The following TRIM62 variants were observed in gnomAD, a reference collection of about 807,000 sequenced individuals.
TRIM62 encodes the protein E3 ubiquitin-protein ligase TRIM62.
A neutral mutation model predicts 44.2 loss-of-function variants in TRIM62; 39 were observed. That is an observed-to-expected ratio of 0.88 (90% CI 0.68 to 1.15). The LOEUF is 1.15. Ranked by LOEUF, TRIM62 falls within the 50% of genes most tolerant of loss-of-function variation. The pLI is 0.00. For missense variants in TRIM62, 544 were observed against 665.5 expected, an observed-to-expected ratio of 0.82 and a Z score of 2.01; for synonymous variants, 278 against 292.3, an observed-to-expected ratio of 0.95 and a Z score of 0.50.
At chr1:33,171,058 T>G (rs1188935484) in intron 1 of TRIM62, among the ~76,000 whole-genome samples, 2 of 152,142 alleles carry the variant, frequency 1.3e-5, no homozygotes, top group Non-Finnish European at 2.9e-5. Flanking sequence ...AGGAAGAGGC[T>G]GCAGGGACCA....
intron 4 of TRIM62, among the ~76,000 whole-genome samples, chr1:33,156,937 C>T: frequency 6.6e-6 from 1 of 151,086 alleles, no homozygotes. Context: ...CCTTCCCACC[C>T]CCTCCACTAC....
intron 4 of TRIM62, among the ~76,000 whole-genome samples, chr1:33,153,929 G>GA (rs922472739): frequency 2.6e-5 from 4 of 152,202 alleles, no homozygotes; most frequent in Non-Finnish European, 5.9e-5. Context: ...TAGTGAGTGA[G>GA]ACAGCCACAC....
intron 2 of TRIM62, 95 bp from the exon 3 acceptor site, chr1:33,160,039 G>A (rs947209007): frequency 2.1e-6 from 3 of 1,462,292 alleles, no homozygotes; most frequent in Middle Eastern, 1.8e-4. Flanking sequence ...CACACAGAGA[G>A]GAAAGGGTGG....
chr1:33,155,569 G>A lies in TRIM62; in HGVS notation c.877+2684C>T, dbSNP rs60504615. Among the ~76,000 whole-genome samples the A allele has an allele frequency of 6.0e-3, 914 of 152,254 alleles. 16 individuals carry two copies. The highest frequency in any genetic ancestry group is 0.021 in the African/African-American group (864 of 41,534). On this transcript the variant is annotated intron_variant, in intron 4 of 4. Coordinates refer to ENST00000291416, the MANE Select transcript of TRIM62 (RefSeq NM_018207.3). ...CCAGTGAGCTTAGTAGGTAAGGAAG[G>A]GCACAGGCTCTGGGGCCCGACGTTG...
chr1:33,173,868 T>A lies in TRIM62; in HGVS notation c.408+7157A>T, dbSNP rs868521608. Among the ~76,000 whole-genome samples the A allele has an allele frequency of 3.3e-4, 50 of 152,098 alleles. No individual in the cohort carries two copies. The Middle Eastern group carries it at 0.024, about 72-fold the overall frequency. On this transcript the variant is annotated intron_variant, in intron 1 of 4. Transcript: ENST00000291416. ...GCATGCATCATGCCTGGATAATTTT[T>A]AAAAATTTATTGTAGAGATGGGGTC...
Position 33,146,908 on chromosome 1 carries a change from C to G in TRIM62, c.*269G>C. 2.1e-6 allele frequency: 1 copy of G among 486,922 alleles called. No individual in the cohort carries two copies. The highest frequency in any genetic ancestry group is 3.7e-6 in the Non-Finnish European group (1 of 270,204). The allele number at this position is 486,922 out of a possible 1,614,324, so 30.2% of individuals were successfully genotyped here. ...TGAGAAGATGGGGATGAGGGTTGGGCAGGGGTTGCCCTGAGGAGAAGCCAT... is the reference window on the plus strand; with the variant it reads ...TGAGAAGATGGGGATGAGGGTTGGGGAGGGGTTGCCCTGAGGAGAAGCCAT... On this transcript the variant is annotated 3_prime_UTR_variant, in exon 5 of 5. Transcript: ENST00000291416.
chr1:33,166,071 C>T (rs950993701), intron 1 of TRIM62: 6 of 152,428 alleles, frequency 3.9e-5, no homozygotes, highest in African/African-American at 1.4e-4. Context: ...GCATTAGATT[C>T]TCACAGGAGT....
intron 2 of TRIM62, chr1:33,164,575 G>A (rs1466259597): frequency 6.6e-6 from 1 of 152,372 alleles, no homozygotes; most frequent in Non-Finnish European, 1.5e-5. Flanking sequence ...TCTCAAGTCA[G>A]TGGAAAAGTC....
chr1:33,181,024 C>G lies in TRIM62; in HGVS notation c.408+1G>C. On this transcript the variant is annotated splice_donor_variant, in intron 1 of 4. Coordinates refer to ENST00000291416, the MANE Select transcript of TRIM62 (RefSeq NM_018207.3). LOFTEE classifies it high-confidence loss of function. This position sits in a 1 kb window ranked among gnomAD's most constrained non-coding sequence, Gnocchi z 6.5. ...TTCCCCAGGCAGGCCGGGTAGCGCA[C>G]CTGCAGCTCGTCGAAGGCGTCGTCG... The G allele has an allele frequency of 6.3e-7, 1 of 1,585,210 alleles. No homozygotes were observed. The highest frequency in any genetic ancestry group is 8.5e-7 in the Non-Finnish European group (1 of 1,173,554).
At position 33,145,823 on chromosome 1, in the gene TRIM62, G is replaced by A. The variant is rs1301233577; in HGVS notation, c.*1354C>T. On this transcript the variant is annotated 3_prime_UTR_variant, in exon 5 of 5. Transcript: ENST00000291416. ...CGATTGGATGCTGTGGCAGAAAAAC[G>A]CAGGTGGGGCTTGCTCCACCCACCC... 2.3e-5 allele frequency: 11 copies of A among 469,282 alleles called. No homozygotes were observed. Among genetic ancestry groups the A allele is most frequent in the South Asian group, 1.7e-4 (11 of 64,346 alleles). The allele number at this position is 469,282 out of a possible 1,614,324, so 29.1% of individuals were successfully genotyped here.
In TRIM62 at chr1:33,161,477, G is replaced by C. The variant is rs916565681; in HGVS notation, c.505-1533C>G. Among the ~76,000 whole-genome samples the C allele has an allele frequency of 7.2e-5, 11 of 152,078 alleles. No individual in the cohort carries two copies. The highest frequency in any genetic ancestry group is 1.3e-4 in the Non-Finnish European group (9 of 68,004). ...AGGGCTCTGTGGGAGGCTCTACAAA[G>C]GCTCAATTAGGGCCTGTTCCCTCCC... On this transcript the variant is annotated intron_variant, in intron 2 of 4. Coordinates refer to ENST00000291416, the MANE Select transcript of TRIM62 (RefSeq NM_018207.3). The surrounding 1 kb of genome is among the most constrained non-coding windows in gnomAD (Gnocchi z 4.3).
At chr1:33,157,275 G>A (rs751418440) in intron 4 of TRIM62, among the ~76,000 whole-genome samples, 11 of 152,020 alleles carry the variant, frequency 7.2e-5, no homozygotes, top group Non-Finnish European at 1.5e-4. Flanking sequence ...TGCTCTTCCT[G>A]CCTGGGAAAC....
In TRIM62 at chr1:33,147,104, G is replaced by T. The variant is rs1043020344; in HGVS notation, c.*73C>A. On this transcript the variant is annotated 3_prime_UTR_variant, in exon 5 of 5. Transcript: ENST00000291416. This position sits in a 1 kb window ranked among gnomAD's most constrained non-coding sequence, Gnocchi z 8.1. ...GTGGCCACGGTGGGCTGGAGTCCAG[G>T]TCTTCTATCTCCTGGGCAGGGCTCT... The T allele has an allele frequency of 1.3e-5, 20 of 1,536,860 alleles. No individual in the cohort carries two copies. Among genetic ancestry groups the T allele is most frequent in the Admixed American group, 3.7e-5 (2 of 54,654 alleles).
At chr1:33,155,172 A>T (rs1329094010) in intron 4 of TRIM62, among the ~76,000 whole-genome samples, 4 of 150,328 alleles carry the variant, frequency 2.7e-5, no homozygotes, top group African/African-American at 9.7e-5. Context: ...CCTGGGTTCA[A>T]GCCATTCTCC....
chr1:33,171,836 T>C (rs1380434213), intron 1 of TRIM62, among the ~76,000 whole-genome samples: 2 of 152,124 alleles, frequency 1.3e-5, no homozygotes, highest in Non-Finnish European at 2.9e-5. Flanking sequence ...GTCTGGGGTG[T>C]AGTGGTGCGA....
In TRIM62 at chr1:33,146,041, C is replaced by G. The variant is rs1435629694; in HGVS notation, c.*1136G>C. 7.9e-6 allele frequency: 3 copies of G among 379,126 alleles called. No homozygotes were observed. Among genetic ancestry groups the G allele is most frequent in the Non-Finnish European group, 1.6e-5 (3 of 185,788 alleles). The allele number at this position is 379,126 out of a possible 1,614,324, so 23.5% of individuals were successfully genotyped here. ...GGCAGAGGGAGCCTAGTTCTGCAGT[C>G]AGCAGCTTTCTGGCATAGTGGCTTC... is the stretch of plus-strand genomic sequence containing the variant. On this transcript the variant is annotated 3_prime_UTR_variant, in exon 5 of 5. Transcript: ENST00000291416.
chr1:33,180,978 C>A, intron 1 of TRIM62, 47 bp downstream of exon 1: 3 of 1,018,150 alleles, frequency 2.9e-6, no homozygotes, highest in Non-Finnish European at 4.2e-6. Context: ...CCCGGCCCCA[C>A]CTCCAGCCCG....
chr1:33,172,076 C>T (rs551152823), intron 1 of TRIM62, among the ~76,000 whole-genome samples: 7 of 152,262 alleles, frequency 4.6e-5, no homozygotes, highest in African/African-American at 1.4e-4. Context: ...GCCATGGCAC[C>T]GGACCTCAAA....
At chr1:33,160,068 G>A (rs1645243682) in intron 2 of TRIM62, 124 bp from the exon 3 acceptor site, 1 of 1,261,348 alleles carries the variant, frequency 7.9e-7, no homozygotes, top group East Asian at 2.5e-5. Flanking sequence ...ACGCGTGGTG[G>A]GGGAAATGTC....
Sources: gnomAD v4.1 joint callset for allele counts (sites outside exome capture counted in the v4.1 genomes callset) on GRCh38, gnomAD v4.1.1 for gene constraint, Gnocchi (gnomAD v3.1) non-coding constraint, MANE v1.5 for transcripts, NCBI Gene and HGNC (gene_info 2026-07-23, HGNC 2026-07-21) for gene names.